CCSER1: variants seen among roughly 807,000 people sequenced by gnomAD.
The protein encoded by CCSER1 is serine-rich coiled-coil domain-containing protein 1.
A neutral mutation model predicts 82.0 loss-of-function variants in CCSER1; 41 were observed. The observed-to-expected ratio is 0.50, with a 90% CI of 0.39 to 0.65. CCSER1 has a LOEUF of 0.65. Among genes scored for constraint, CCSER1 ranks in the 30% least tolerant of loss-of-function variants. The pLI is 0.00. For synonymous variants in CCSER1, 414 were observed against 383.9 expected, an observed-to-expected ratio of 1.08 and a Z score of -0.92; for missense variants, 1,119 against 1,064.2, an observed-to-expected ratio of 1.05 and a Z score of -0.72.
intron 10 of CCSER1, among the ~76,000 whole-genome samples, chr4:91,493,533 A>G (rs999134411): frequency 6.6e-5 from 10 of 151,834 alleles, no homozygotes; most frequent in African/African-American, 2.4e-4. Flanking sequence ...TAAAAAGGCA[A>G]TAATTATGGA....
intron 10 of CCSER1, among the ~76,000 whole-genome samples, chr4:91,586,167 G>A (rs1308971296): frequency 2.0e-5 from 3 of 151,508 alleles, no homozygotes; most frequent in East Asian, 1.9e-4. Flanking sequence ...TTCAACAAAT[G>A]TTACTGAAGT....
At chr4:91,523,954 A>T (rs1217252863) in intron 10 of CCSER1, among the ~76,000 whole-genome samples, 1 of 152,198 alleles carries the variant, frequency 6.6e-6, no homozygotes, top group East Asian at 1.9e-4. Context: ...TAGAATGACA[A>T]AATCACCTAT....
At chr4:91,378,141 T>G (rs1051342093) in intron 10 of CCSER1, among the ~76,000 whole-genome samples, 3 of 152,236 alleles carry the variant, frequency 2.0e-5, no homozygotes, top group Non-Finnish European at 2.9e-5. Flanking sequence ...CATGCTGTTT[T>G]GGTTACCGTA....
At chr4:90,645,198 A>G (rs1727332619) in intron 6 of CCSER1, among the ~76,000 whole-genome samples, 1 of 152,162 alleles carries the variant, frequency 6.6e-6, no homozygotes, top group Non-Finnish European at 1.5e-5. Flanking sequence ...ATTGTTTCAT[A>G]GCAAATTTTG....
At chr4:90,782,209 T>C (rs1160826242) in intron 7 of CCSER1, among the ~76,000 whole-genome samples, 3 of 152,162 alleles carry the variant, frequency 2.0e-5, no homozygotes, top group South Asian at 2.1e-4. Context: ...TGGAATATAT[T>C]TGTGGGCAAA....
chr4:90,864,158 C>T (rs1433771429), intron 8 of CCSER1, among the ~76,000 whole-genome samples: 4 of 151,842 alleles, frequency 2.6e-5, no homozygotes, highest in African/African-American at 9.7e-5. Flanking sequence ...TTGTTTGCTT[C>T]AGCATGCTTG....
At chr4:90,881,443 G>A (rs1721303242) in intron 8 of CCSER1, among the ~76,000 whole-genome samples, 2 of 152,104 alleles carry the variant, frequency 1.3e-5, no homozygotes, top group Non-Finnish European at 1.5e-5. Flanking sequence ...AGACCTTTTG[G>A]TCCTTATGAT....
In CCSER1 at chr4:90,576,581, C is replaced by T. The variant is rs146225152; in HGVS notation, c.1725-51444C>T. On this transcript the variant is annotated intron_variant, in intron 5 of 10. Coordinates refer to ENST00000509176, the MANE Select transcript of CCSER1 (RefSeq NM_001145065.2). ...TGATGCTTTTTCTTTTCCATAGTTT[C>T]GCTTTTTCCAGAATATCATATAATT... 6.2e-3 allele frequency among the ~76,000 whole-genome samples: 938 copies of T among 152,234 alleles called. 10 individuals are homozygous for T. Among genetic ancestry groups the T allele is most frequent in the African/African-American group, 0.021 (879 of 41,544 alleles).
chr4:91,297,077 G>C (rs905038084), intron 10 of CCSER1, among the ~76,000 whole-genome samples: 27 of 151,784 alleles, frequency 1.8e-4, no homozygotes, highest in African/African-American at 6.5e-4. Flanking sequence ...ATTAAGCAAA[G>C]AATGTAAAGG....
intron 5 of CCSER1, among the ~76,000 whole-genome samples, chr4:90,471,503 T>C (rs1056238982): frequency 1.3e-5 from 2 of 152,132 alleles, no homozygotes; most frequent in East Asian, 1.9e-4. Context: ...ATATGGGAGA[T>C]ACTTTACCTC....
chr4:90,384,762 G>A (rs1749753565), intron 3 of CCSER1, among the ~76,000 whole-genome samples: 1 of 152,090 alleles, frequency 6.6e-6, no homozygotes, highest in South Asian at 2.1e-4. Context: ...ATAGATTTGG[G>A]GGTGCAGGTG....
At chr4:90,730,945 T>C (rs1011088361) in intron 7 of CCSER1, among the ~76,000 whole-genome samples, 7 of 152,100 alleles carry the variant, frequency 4.6e-5, no homozygotes, top group South Asian at 2.1e-4. Context: ...ATTTCACATA[T>C]GATGAAAAGC....
intron 1 of CCSER1, among the ~76,000 whole-genome samples, chr4:90,225,448 T>C (rs1330412799): frequency 6.6e-6 from 1 of 152,094 alleles, no homozygotes; most frequent in African/African-American, 2.4e-5. Flanking sequence ...ACCTAAACTA[T>C]AACCTCCACT....
chr4:91,330,236 TCTTA>T (rs1179688866), intron 10 of CCSER1, among the ~76,000 whole-genome samples: 6 of 152,192 alleles, frequency 3.9e-5, no homozygotes, highest in African/African-American at 1.2e-4. Flanking sequence ...TAATTTTTTC[TCTTA>T]CTTATCTTTT....
intron 5 of CCSER1, among the ~76,000 whole-genome samples, chr4:90,529,421 A>G (rs1330722975): frequency 1.3e-5 from 2 of 151,954 alleles, no homozygotes; most frequent in Non-Finnish European, 2.9e-5. Context: ...ATGGAGATGA[A>G]GTTTCACCAT....
chr4:90,474,067 G>A (rs972478440), intron 5 of CCSER1, among the ~76,000 whole-genome samples: 1 of 151,696 alleles, frequency 6.6e-6, no homozygotes, highest in African/African-American at 2.4e-5. Flanking sequence ...CTTGAACCTG[G>A]GAGGTGGAGG....
At chr4:91,189,361 A>G (rs1734825855) in intron 10 of CCSER1, among the ~76,000 whole-genome samples, 1 of 152,122 alleles carries the variant, frequency 6.6e-6, no homozygotes, top group South Asian at 2.1e-4. Context: ...ACTTATTTTG[A>G]TGCTGGTGTA....
intron 1 of CCSER1, among the ~76,000 whole-genome samples, chr4:90,222,070 A>G (rs12647918): frequency 0.61 from 93,245 of 151,902 alleles, 30,022 homozygotes; most frequent in East Asian, 0.83. Flanking sequence ...AGGCTCAGGT[A>G]ACAAAGCAAG....
At chr4:90,925,512 C>T (rs2150259557) in intron 9 of CCSER1, among the ~76,000 whole-genome samples, 3 of 152,142 alleles carry the variant, frequency 2.0e-5, no homozygotes, top group Admixed American at 2.0e-4. Flanking sequence ...TTAGTGATTG[C>T]TTGTGAGAAT....
Sources: allele counts gnomAD v4.1 joint callset (sites outside exome capture counted in the v4.1 genomes callset), GRCh38; gene constraint gnomAD v4.1.1; transcripts MANE v1.5; gene names NCBI Gene and HGNC (gene_info 2026-07-23, HGNC 2026-07-21).